Variants in TPTE2 observed in about 807,000 individuals in gnomAD.
TPTE2 encodes the protein transmembrane phosphoinositide 3-phosphatase and tensin homolog 2, also known as phosphatidylinositol 3,4,5-trisphosphate 3-phosphatase TPTE2.
TPTE2 carries 53 observed loss-of-function variants against 78.6 expected under a neutral mutation model. The ratio of observed to expected loss-of-function variants is 0.67; its 90% CI spans 0.54 to 0.85. The LOEUF (loss-of-function observed/expected upper bound fraction) is 0.85. Among genes scored for constraint, TPTE2 ranks in the 40% least tolerant of loss-of-function variants. The pLI, the probability that TPTE2 is intolerant of heterozygous loss-of-function variation, is 0.00. For missense variants in TPTE2, 461 were observed against 623.0 expected (o/e 0.74, Z 2.77); for synonymous variants, 175 against 206.2 (o/e 0.85, Z 1.30).
the TPTE2 span, chr13:19,560,564 T>C: frequency 6.3e-7 from 1 of 1,599,296 alleles, no homozygotes; most frequent in South Asian, 1.1e-5. Flanking sequence ...TTGGCCCAGC[T>C]GATGGTGACC....
intron 3 of TPTE2, among the ~76,000 whole-genome samples, chr13:19,485,254 T>A (rs1479258062): frequency 6.6e-6 from 1 of 152,158 alleles, no homozygotes; most frequent in African/African-American, 2.4e-5. Context: ...TGGTGATGAA[T>A]TATCTTGGTT....
chr13:19,492,453 C>G (rs1429786567), intron 3 of TPTE2, among the ~76,000 whole-genome samples: 2 of 152,164 alleles, frequency 1.3e-5, no homozygotes, highest in African/African-American at 4.8e-5. Context: ...GGGTCTCAAA[C>G]TCAGGAAACC....
At chr13:19,469,838 A>G (rs774994217) in intron 6 of TPTE2, among the ~76,000 whole-genome samples, 3 of 152,190 alleles carry the variant, frequency 2.0e-5, no homozygotes, top group Non-Finnish European at 4.4e-5. Flanking sequence ...CACGGTTGAC[A>G]TATAGAAATG....
chr13:19,473,650 C>T (rs1269063552), intron 6 of TPTE2, among the ~76,000 whole-genome samples: 1 of 139,644 alleles, frequency 7.2e-6, no homozygotes, highest in East Asian at 2.1e-4. Context: ...GGCTAGAGTG[C>T]AATGGCGTGA....
chr13:19,503,114 T>G (rs1374789445), intron 1 of TPTE2, 110 bp downstream of exon 4: 1 of 1,470,040 alleles, frequency 6.8e-7, no homozygotes, highest in East Asian at 2.4e-5. Flanking sequence ...TGTGTATGGA[T>G]GGATGCATGG....
At position 19,529,207 on chromosome 13, in the gene TPTE2, T is replaced by G. The variant is rs148748475; in HGVS notation, c.-44+7389A>C. Among the ~76,000 whole-genome samples, 349 of 152,330 alleles carry G rather than the reference T, an allele frequency of 2.3e-3. 2 individuals carry two copies. The highest frequency in any genetic ancestry group is 8.1e-3 in the African/African-American group (335 of 41,574). Reference sequence around the variant, plus strand: ...GGCTCATTTAGGCTCTGTCTTCCAGTGACAATGAGTTCTAGATGACAAGTC... The same window carrying G: ...GGCTCATTTAGGCTCTGTCTTCCAGGGACAATGAGTTCTAGATGACAAGTC... On this transcript the variant is annotated intron_variant, in intron 1 of 17. Coordinates refer to the TPTE2 transcript ENST00000390680.
At chr13:19,552,635 A>G in the TPTE2 span, 1 of 724,674 alleles carries the variant, frequency 1.4e-6, no homozygotes, top group East Asian at 3.0e-5. Flanking sequence ...TCAGCTCTTC[A>G]AAGCCATTCT....
chr13:19,521,024 T>C (rs1011002018), intron 1 of TPTE2, among the ~76,000 whole-genome samples: 6 of 152,068 alleles, frequency 3.9e-5, no homozygotes, highest in African/African-American at 1.4e-4. Context: ...TGGTCTTTCC[T>C]GGGGAATGTT....
chr13:19,528,102 C>G (rs1870624691), intron 1 of TPTE2, among the ~76,000 whole-genome samples: 1 of 152,076 alleles, frequency 6.6e-6, no homozygotes, highest in Non-Finnish European at 1.5e-5. Context: ...CCTTTCTTGG[C>G]CGGGTGCGGT....
intron 1 of TPTE2, among the ~76,000 whole-genome samples, chr13:19,531,849 C>G (rs558361524): frequency 1.3e-3 from 201 of 152,252 alleles, no homozygotes; most frequent in African/African-American, 4.6e-3. Flanking sequence ...ATTGCTTGAA[C>G]CTGGGAGGCA....
the TPTE2 span, among the ~76,000 whole-genome samples, chr13:19,547,720 C>CATATATATATATATAGATATATAT: frequency 8.4e-6 from 1 of 118,848 alleles, no homozygotes; most frequent in Non-Finnish European, 1.8e-5. Flanking sequence ...AATAAATATA[C>CATATATATATATATAGATATATAT]ATATATATAT....
In TPTE2 at chr13:19,423,188, C is replaced by T. The variant is rs538420101; in HGVS notation, c.1467-24G>A. 20 of 1,572,044 alleles carry T rather than the reference C, an allele frequency of 1.3e-5. No homozygotes were observed. In the East Asian group the frequency reaches 3.0e-4, roughly 24 times the overall value. The stretch of plus-strand genomic sequence containing the variant: ...GCCTAAGAATAGAAAAAAAAAATTA[C>T]ATTTTATATTGGGGCTCACCAAAAA... On this transcript the variant is annotated intron_variant, in intron 19 of 19. Transcript: ENST00000400230.
chr13:19,533,003 G>A (rs1196978704), intron 1 of TPTE2, among the ~76,000 whole-genome samples: 11 of 152,202 alleles, frequency 7.2e-5, no homozygotes, highest in Non-Finnish European at 1.6e-4. Context: ...CTGATGTCTA[G>A]TAGAGGCATA....
At chr13:19,437,769 T>G (rs554225897) in intron 14 of TPTE2, among the ~76,000 whole-genome samples, 9 of 152,206 alleles carry the variant, frequency 5.9e-5, no homozygotes, top group African/African-American at 2.2e-4. Flanking sequence ...ATTGCATACA[T>G]CATAGATTTT....
At chr13:19,547,995 T>C in the TPTE2 span, among the ~76,000 whole-genome samples, 1 of 151,864 alleles carries the variant, frequency 6.6e-6, no homozygotes, top group Non-Finnish European at 1.5e-5. Flanking sequence ...AGAAGCACAA[T>C]ACAGTAAAGA....
chr13:19,534,425 C>A (rs1166230850), intron 1 of TPTE2, among the ~76,000 whole-genome samples: 1 of 152,186 alleles, frequency 6.6e-6, no homozygotes, highest in Non-Finnish European at 1.5e-5. Context: ...GGTTTTCTAA[C>A]TTTCTGTACC....
At chr13:19,499,063 T>G (rs1881583015) in intron 1 of TPTE2, among the ~76,000 whole-genome samples, 1 of 152,008 alleles carries the variant, frequency 6.6e-6, no homozygotes, top group South Asian at 2.1e-4. Flanking sequence ...GGCCATTACA[T>G]AATGGTAAAG....
At position 19,493,669 on chromosome 13, in the gene TPTE2, G is replaced by A. The variant is rs970876242; in HGVS notation, c.12-168C>T. 128 of 711,290 alleles carry A rather than the reference G, an allele frequency of 1.8e-4. 3 individuals carry two copies. Among genetic ancestry groups the A allele is most frequent in the South Asian group, 1.0e-3 (67 of 66,672 alleles). The allele number at this position is 711,290 out of a possible 1,614,324, so 44.1% of individuals were successfully genotyped here. A position where few individuals can be genotyped will look rare whatever the true frequency, so the allele number is the denominator to read the frequency against. ...TCTATTTTTCTTTATTAGAAATGAG[G>A]ATGTATATGACGACAACCAAAATCT... is the stretch of plus-strand genomic sequence containing the variant. On this transcript the variant is annotated intron_variant, in intron 1 of 19. Transcript: ENST00000400230.
intron 1 of TPTE2, among the ~76,000 whole-genome samples, chr13:19,499,682 C>A (rs1421409593): frequency 7.5e-6 from 1 of 133,458 alleles, no homozygotes; most frequent in Non-Finnish European, 1.6e-5. Flanking sequence ...CACTAAATGC[C>A]CACAAGAGAA....
Sources: gnomAD v4.1 joint callset for allele counts (sites outside exome capture counted in the v4.1 genomes callset) on GRCh38, gnomAD v4.1.1 for gene constraint, MANE v1.5 for transcripts, NCBI Gene and HGNC (gene_info 2026-07-23, HGNC 2026-07-21) for gene names.